The following SHROOM3 variants were observed in gnomAD, a reference collection of about 807,000 sequenced individuals.
SHROOM3 encodes shroom family member 3.
A neutral mutation model predicts 138.6 loss-of-function variants in SHROOM3; 47 were observed. That is an observed-to-expected ratio of 0.34 (90% CI 0.27 to 0.43). The LOEUF (loss-of-function observed/expected upper bound fraction) is 0.43, where lower values mean the gene tolerates loss of function less well. Among genes scored for constraint, SHROOM3 ranks in the 20% least tolerant of loss-of-function variants. The pLI is 1.00. For synonymous variants in SHROOM3, 1,062 were observed against 1,063.3 expected (o/e 1.00, Z 0.02); for missense variants, 2,491 against 2,596.5 (o/e 0.96, Z 0.88).
chr4:76,777,137 G>A (rs1230027016), intron 10 of SHROOM3, among the ~76,000 whole-genome samples: 1 of 152,158 alleles, frequency 6.6e-6, no homozygotes, highest in African/African-American at 2.4e-5. Context: ...TGTGAAGAAT[G>A]ATGGCGGTAT....
chr4:76,679,737 C>T (rs1719136966), intron 2 of SHROOM3, among the ~76,000 whole-genome samples: 2 of 152,306 alleles, frequency 1.3e-5, no homozygotes, highest in South Asian at 2.1e-4. Flanking sequence ...CCATCCAGCT[C>T]AGCCTGTCCA....
chr4:76,631,780 G>A (rs1309087397), intron 2 of SHROOM3, among the ~76,000 whole-genome samples: 1 of 152,186 alleles, frequency 6.6e-6, no homozygotes, highest in Non-Finnish European at 1.5e-5. Flanking sequence ...TTTATTTCTT[G>A]AAATCACACT....
intron 2 of SHROOM3, among the ~76,000 whole-genome samples, chr4:76,589,006 C>T (rs778294523): frequency 6.6e-6 from 1 of 152,230 alleles, no homozygotes; most frequent in Non-Finnish European, 1.5e-5. Context: ...CCTAAGCTGT[C>T]TCACACAATT....
intron 1 of SHROOM3, among the ~76,000 whole-genome samples, chr4:76,456,388 A>G (rs1306122550): frequency 6.6e-6 from 1 of 152,226 alleles, no homozygotes; most frequent in African/African-American, 2.4e-5. Flanking sequence ...TGGATTCAAC[A>G]TAGTACTTGT....
intron 2 of SHROOM3, among the ~76,000 whole-genome samples, chr4:76,700,037 G>T (rs899202188): frequency 2.6e-5 from 4 of 152,144 alleles, no homozygotes; most frequent in African/African-American, 9.7e-5. Context: ...CAGGAAGCTG[G>T]CCTCGTGTCC....
chr4:76,524,520 C>T (rs185846823), intron 1 of SHROOM3, among the ~76,000 whole-genome samples: 19 of 152,274 alleles, frequency 1.2e-4, no homozygotes, highest in Admixed American at 1.1e-3. Context: ...AGTCTTGGTT[C>T]GAATGTTATC....
chr4:76,653,215 T>A (rs2110089400), intron 2 of SHROOM3, among the ~76,000 whole-genome samples: 1 of 152,276 alleles, frequency 6.6e-6, no homozygotes, highest in Middle Eastern at 3.4e-3. Flanking sequence ...AGGAATCCTA[T>A]ATTGAATTCT....
At chr4:76,444,480 CTTTCTTTTTTTT>C (rs1730762366) in intron 1 of SHROOM3, among the ~76,000 whole-genome samples, 1 of 107,110 alleles carries the variant, frequency 9.3e-6, no homozygotes, top group African/African-American at 3.4e-5. Flanking sequence ...ATCTCTCTTT[CTTTCTTTTTTTT>C]TTTTTTTTTT....
chr4:76,715,397 C>A (rs528983669), intron 3 of SHROOM3, among the ~76,000 whole-genome samples: 1 of 152,302 alleles, frequency 6.6e-6, no homozygotes, highest in Non-Finnish European at 1.5e-5. Flanking sequence ...CCGCTTAGAT[C>A]CCTGCATTCT....
intron 2 of SHROOM3, among the ~76,000 whole-genome samples, chr4:76,695,165 G>A (rs1719688094): frequency 6.6e-6 from 1 of 152,264 alleles, no homozygotes; most frequent in East Asian, 1.9e-4. Context: ...GGGGTTTGTG[G>A]GATGCTTGTA....
At chr4:76,693,370 G>GTTTTTTTGT (rs1553937620) in intron 2 of SHROOM3, among the ~76,000 whole-genome samples, 1 of 79,834 alleles carries the variant, frequency 1.3e-5, no homozygotes, top group East Asian at 4.2e-4. Context: ...TGATAAGTTT[G>GTTTTTTTGT]TTTTTTTTTT....
At chr4:76,561,501 A>T (rs1369450109) in intron 2 of SHROOM3, among the ~76,000 whole-genome samples, 1 of 152,070 alleles carries the variant, frequency 6.6e-6, no homozygotes, top group Non-Finnish European at 1.5e-5. Flanking sequence ...GCCTGGAGGT[A>T]GAAATGAGGG....
chr4:76,746,335 A>G lies in SHROOM3; in HGVS notation c.3754-2682A>G, dbSNP rs1345973753. 2.6e-5 allele frequency among the ~76,000 whole-genome samples: 4 copies of G among 152,372 alleles called. No homozygotes were observed. In the East Asian group the frequency reaches 7.7e-4, roughly 29 times the overall value. ...ACCACATATGTGACAGTGGTCCCAT[A>G]AGATTATAATACCATACTTTTACTG... On this transcript the variant is annotated intron_variant, in intron 5 of 10. Transcript: ENST00000296043.
chr4:76,626,028 A>G (rs866293553), intron 2 of SHROOM3, among the ~76,000 whole-genome samples: 4 of 152,342 alleles, frequency 2.6e-5, no homozygotes, highest in Middle Eastern at 6.8e-3. Flanking sequence ...GTTGGAGGGA[A>G]GAGAGCAGAG....
At chr4:76,614,432 G>A (rs1734830315) in intron 2 of SHROOM3, among the ~76,000 whole-genome samples, 1 of 152,026 alleles carries the variant, frequency 6.6e-6, no homozygotes, top group Non-Finnish European at 1.5e-5. Flanking sequence ...CCCATCTAAA[G>A]GAGTCAGCTG....
intron 3 of SHROOM3, among the ~76,000 whole-genome samples, chr4:76,728,059 C>G (rs1308764919): frequency 2.6e-5 from 4 of 151,866 alleles, no homozygotes; most frequent in Non-Finnish European, 5.9e-5. Context: ...GTAGTCCCAG[C>G]CTCCTACTCA....
chr4:76,644,452 T>A (rs1403361044), intron 2 of SHROOM3: 3 of 151,904 alleles, frequency 2.0e-5, no homozygotes, highest in Non-Finnish European at 4.4e-5. Flanking sequence ...GGTTTCTCTA[T>A]GTTGGTCAGG....
At chr4:76,528,324 CCTT>C (rs370683829) in intron 1 of SHROOM3, among the ~76,000 whole-genome samples, 3,488 of 137,934 alleles carry the variant, frequency 0.025, 170 homozygotes, top group African/African-American at 0.088. Context: ...TTCTTTCTTT[CCTT>C]CTTCTTCTTC....
chr4:76,671,715 C>A (rs1222258761), intron 2 of SHROOM3, among the ~76,000 whole-genome samples: 1 of 152,140 alleles, frequency 6.6e-6, no homozygotes, highest in African/African-American at 2.4e-5. Flanking sequence ...TAATAAAACA[C>A]GTTAGGTGAA....
Sources: gnomAD v4.1 joint callset for allele counts (sites outside exome capture counted in the v4.1 genomes callset) on GRCh38, gnomAD v4.1.1 for gene constraint, MANE v1.5 for transcripts, NCBI Gene and HGNC (gene_info 2026-07-23, HGNC 2026-07-21) for gene names.